The following HPSE2 variants were observed in gnomAD, a reference collection of about 807,000 sequenced individuals.
The protein encoded by HPSE2 is heparanase 2 (inactive).
HPSE2 carries 38 observed loss-of-function variants against 60.5 expected under a neutral mutation model. That is an observed-to-expected ratio of 0.63 (90% CI 0.48 to 0.82). The LOEUF (loss-of-function observed/expected upper bound fraction) is 0.82, where lower values mean the gene tolerates loss of function less well. Ranked by LOEUF, HPSE2 falls within the 40% of genes least tolerant of loss-of-function variation. The probability of loss-of-function intolerance (pLI) is 0.00; values close to 1 mark genes in which losing one functional copy is unlikely to be tolerated. For synonymous variants in HPSE2, 295 were observed against 293.2 expected (o/e 1.01, Z -0.06); for missense variants, 713 against 740.4 (o/e 0.96, Z 0.43).
chr10:98,721,424 T>C (rs560265791), intron 5 of HPSE2, among the ~76,000 whole-genome samples: 2 of 152,144 alleles, frequency 1.3e-5, no homozygotes, highest in South Asian at 2.1e-4. Flanking sequence ...ATCCTAGAGA[T>C]TGTGATATAC....
At chr10:98,547,451 T>A (rs1235837887) in intron 9 of HPSE2, among the ~76,000 whole-genome samples, 4 of 150,410 alleles carry the variant, frequency 2.7e-5, no homozygotes, top group Non-Finnish European at 5.9e-5. Context: ...GTGGCACATA[T>A]ACACCATGGA....
At chr10:98,754,091 C>G (rs1251995066) in intron 3 of HPSE2, among the ~76,000 whole-genome samples, 1 of 151,578 alleles carries the variant, frequency 6.6e-6, no homozygotes, top group Admixed American at 6.6e-5. Flanking sequence ...AAACTGAATC[C>G]AAAAAATCTA....
At chr10:98,888,706 T>C (rs1488751955) in intron 3 of HPSE2, among the ~76,000 whole-genome samples, 1 of 152,198 alleles carries the variant, frequency 6.6e-6, no homozygotes, top group African/African-American at 2.4e-5. Context: ...ACATAATTCA[T>C]TTATATATCA....
intron 5 of HPSE2, among the ~76,000 whole-genome samples, chr10:98,715,694 A>C (rs1948773711): frequency 6.6e-6 from 1 of 152,092 alleles, no homozygotes; most frequent in Admixed American, 6.6e-5. Flanking sequence ...CATTATGTCT[A>C]AAAGAACAAT....
At chr10:98,664,516 G>A (rs1336401648) in intron 6 of HPSE2, among the ~76,000 whole-genome samples, 1 of 152,114 alleles carries the variant, frequency 6.6e-6, no homozygotes, top group Non-Finnish European at 1.5e-5. Context: ...GCTCTTCCAA[G>A]GCCCAGGAAT....
intron 3 of HPSE2, among the ~76,000 whole-genome samples, chr10:99,049,389 G>A (rs71486194): frequency 1.2e-3 from 176 of 152,054 alleles, no homozygotes; most frequent in Non-Finnish European, 1.5e-3. Context: ...TCTCCAAAAC[G>A]ATAAAATATA....
chr10:98,600,750 C>CA (rs201848775), intron 9 of HPSE2, among the ~76,000 whole-genome samples: 2 of 108,482 alleles, frequency 1.8e-5, no homozygotes, highest in African/African-American at 5.3e-5. Flanking sequence ...TACATACACA[C>CA]AAAAAAAATA....
chr10:99,110,364 T>C (rs1242841615), intron 3 of HPSE2, among the ~76,000 whole-genome samples: 2 of 152,074 alleles, frequency 1.3e-5, no homozygotes, highest in Non-Finnish European at 2.9e-5. Flanking sequence ...GTGCAAAAGC[T>C]CCACCCTTGA....
chr10:99,296,905 TGGCAGGAAGGCAATCATCGATGGGAG>T, the HPSE2 span, among the ~76,000 whole-genome samples: 2 of 152,202 alleles, frequency 1.3e-5, no homozygotes, highest in African/African-American at 2.4e-5. Flanking sequence ...GGACAGCAGT[TGGCAGGAAGGCAATCATCGATGGGAG>T]GGCAGGAAGG....
At chr10:99,013,204 A>T in intron 3 of HPSE2, 2 of 667,508 alleles carry the variant, frequency 3.0e-6, no homozygotes, top group South Asian at 2.9e-5. Flanking sequence ...TCTTTAATAG[A>T]TGTTAGCTTC....
At chr10:98,791,809 G>C (rs1348095271) in intron 3 of HPSE2, among the ~76,000 whole-genome samples, 2 of 152,166 alleles carry the variant, frequency 1.3e-5, no homozygotes, top group Non-Finnish European at 2.9e-5. Context: ...GAGAGAAACA[G>C]AGCCATGAGT....
intron 3 of HPSE2, among the ~76,000 whole-genome samples, chr10:98,887,178 T>TG (rs1264722507): frequency 6.6e-6 from 1 of 152,162 alleles, no homozygotes. Flanking sequence ...GTTCATTTTT[T>TG]CAGGTCAAGG....
chr10:98,686,987 TGTTA>T (rs1483403759), intron 6 of HPSE2, among the ~76,000 whole-genome samples: 3 of 152,212 alleles, frequency 2.0e-5, no homozygotes, highest in African/African-American at 7.2e-5. Flanking sequence ...AATCTAGTCC[TGTTA>T]ATTACTGAAA....
intron 3 of HPSE2, among the ~76,000 whole-genome samples, chr10:98,984,217 A>G (rs752581016): frequency 9.9e-5 from 15 of 152,220 alleles, no homozygotes; most frequent in Non-Finnish European, 2.1e-4. Flanking sequence ...CTGACCCCCA[A>G]GTAGCCTAAA....
intron 9 of HPSE2, among the ~76,000 whole-genome samples, chr10:98,587,882 T>A (rs1229710578): frequency 6.6e-6 from 1 of 152,230 alleles, no homozygotes; most frequent in Non-Finnish European, 1.5e-5. Flanking sequence ...TTTAAACTTT[T>A]TAAAATTGTA....
chr10:99,266,718 T>C, the HPSE2 span, among the ~76,000 whole-genome samples: 12 of 152,158 alleles, frequency 7.9e-5, no homozygotes, highest in East Asian at 2.3e-3. Flanking sequence ...TAAACAAAAC[T>C]ACAACTAAAA....
At chr10:99,113,470 C>T (rs1017049451) in intron 3 of HPSE2, among the ~76,000 whole-genome samples, 9 of 151,896 alleles carry the variant, frequency 5.9e-5, no homozygotes, top group African/African-American at 1.2e-4. Flanking sequence ...TATATACATA[C>T]GTATATACAC....
At chr10:99,205,677 G>T (rs376837700) in intron 2 of HPSE2, among the ~76,000 whole-genome samples, 1 of 152,166 alleles carries the variant, frequency 6.6e-6, no homozygotes, top group African/African-American at 2.4e-5. Context: ...AACTGGACAC[G>T]CCAATTCACA....
intron 6 of HPSE2, among the ~76,000 whole-genome samples, chr10:98,684,341 T>C (rs1200086350): frequency 1.3e-5 from 2 of 152,170 alleles, no homozygotes; most frequent in Admixed American, 6.5e-5. Flanking sequence ...TGTCTGCATA[T>C]AGAAACAGGA....
Sources: allele counts gnomAD v4.1 joint callset (sites outside exome capture counted in the v4.1 genomes callset), GRCh38; gene constraint gnomAD v4.1.1; transcripts MANE v1.5; gene names NCBI Gene and HGNC (gene_info 2026-07-23, HGNC 2026-07-21).